The following CDKL2 variants were observed in gnomAD, a reference collection of about 807,000 sequenced individuals.
CDKL2 encodes cyclin dependent kinase like 2.
Under a neutral mutation model 63.9 loss-of-function variants are expected in CDKL2, and 64 were observed. The ratio of observed to expected loss-of-function variants is 1.00; its 90% CI spans 0.82 to 1.23. The LOEUF is 1.23. Among genes scored for constraint, CDKL2 ranks in the 50% most tolerant of loss-of-function variants. The pLI is 0.00. For synonymous variants in CDKL2, 211 were observed against 229.2 expected, an observed-to-expected ratio of 0.92 and a Z score of 0.72; for missense variants, 656 against 668.0, an observed-to-expected ratio of 0.98 and a Z score of 0.20.
Position 75,576,968 on chromosome 4 carries a change from A to G in CDKL2, c.*2234T>C, listed in dbSNP as rs1236078159. 6.6e-6 allele frequency among the ~76,000 whole-genome samples: 1 copy of G among 152,198 alleles called. No individual in the cohort carries two copies. Among genetic ancestry groups the G allele is most frequent in the Non-Finnish European group, 1.5e-5 (1 of 68,018 alleles). On this transcript the variant is annotated 3_prime_UTR_variant, in exon 14 of 14. Coordinates refer to ENST00000307465, the MANE Select transcript of CDKL2 (RefSeq NM_001330724.2). ...CTGCTTATATCACCAGCTATACAAG[A>G]AAATTAGCTTGCCATCCCTACATCC...
intron 1 of CDKL2, among the ~76,000 whole-genome samples, chr4:75,627,293 G>A (rs1730465558): frequency 6.9e-6 from 1 of 144,362 alleles, no homozygotes; most frequent in South Asian, 2.3e-4. Flanking sequence ...GTTTGTTTGG[G>A]ACGGAGTCTT....
rs997249920 is a variant in CDKL2, at chr4:75,604,830, A to G, written c.655+692T>C. 4.1e-4 allele frequency among the ~76,000 whole-genome samples: 63 copies of G among 152,190 alleles called. 1 individual carries two copies. The highest frequency in any genetic ancestry group is 1.5e-3 in the African/African-American group (61 of 41,462). On this transcript the variant is annotated intron_variant, in intron 5 of 13. Coordinates refer to ENST00000307465, the MANE Select transcript of CDKL2 (RefSeq NM_001330724.2). ...CTCTCTTGAGGGGAAAGGGGATGTG[A>G]GCGTGATTAAGAACATGCACCAGGG...
At chr4:75,601,407 T>C (rs1238804220) in intron 6 of CDKL2, among the ~76,000 whole-genome samples, 1 of 152,132 alleles carries the variant, frequency 6.6e-6, no homozygotes, top group Non-Finnish European at 1.5e-5. Context: ...TAGAAGGGAC[T>C]CAATAAGTAG....
intron 10 of CDKL2, among the ~76,000 whole-genome samples, chr4:75,592,883 G>T (rs1419931941): frequency 6.6e-6 from 1 of 152,144 alleles, no homozygotes. Context: ...AGTTGATAAA[G>T]TCAGAAAAAA....
intron 10 of CDKL2, among the ~76,000 whole-genome samples, chr4:75,593,814 G>C (rs1346088525): frequency 6.6e-6 from 1 of 152,058 alleles, no homozygotes; most frequent in African/African-American, 2.4e-5. Context: ...TGAAAAGGCT[G>C]TATTTTTCAG....
intron 10 of CDKL2, 173 bp downstream of exon 10, chr4:75,596,074 T>C (rs747574223): frequency 3.6e-5 from 15 of 420,642 alleles, no homozygotes; most frequent in African/African-American, 2.1e-4. Context: ...ACTTAAACTT[T>C]CAGAATTTCA....
intron 2 of CDKL2, among the ~76,000 whole-genome samples, chr4:75,624,289 C>T (rs1380432091): frequency 6.6e-6 from 1 of 152,082 alleles, no homozygotes; most frequent in Non-Finnish European, 1.5e-5. Context: ...TGGTGGCTCA[C>T]ACCTATAATC....
intron 4 of CDKL2, 59 bp from the exon 5 acceptor site, chr4:75,605,693 G>T: frequency 9.4e-7 from 1 of 1,066,290 alleles, no homozygotes; most frequent in Non-Finnish European, 1.4e-6. Context: ...AAAACCCAAA[G>T]CTTTTTGAGC....
chr4:75,603,744 T>TA (rs371497008), intron 6 of CDKL2, 73 bp downstream of exon 6: 11,000 of 607,534 alleles, frequency 0.018, 2 homozygotes, highest in South Asian at 0.025. Context: ...ACTAGACAAG[T>TA]AAAAAAAAAA....
intron 3 of CDKL2, among the ~76,000 whole-genome samples, chr4:75,610,011 G>C (rs1249517101): frequency 6.6e-6 from 1 of 151,838 alleles, no homozygotes; most frequent in African/African-American, 2.4e-5. Context: ...AGACATCCTG[G>C]CTAATATAGT....
intron 6 of CDKL2, among the ~76,000 whole-genome samples, chr4:75,601,785 G>C (rs1004815427): frequency 4.6e-5 from 7 of 152,096 alleles, no homozygotes; most frequent in African/African-American, 1.7e-4. Flanking sequence ...GCATCTGTTA[G>C]AAGATTATGT....
chr4:75,624,693 C>CA (rs35187061), intron 2 of CDKL2, among the ~76,000 whole-genome samples: 34,052 of 134,214 alleles, frequency 0.25, 4,261 homozygotes, highest in Middle Eastern at 0.4. Flanking sequence ...TACTAAAATA[C>CA]AAAAAAAAAA....
In CDKL2 at chr4:75,592,274, TATC is replaced by T. The variant is rs1578321110; in HGVS notation, c.1417-8_1417-6del. On this transcript the variant is annotated splice_polypyrimidine_tract_variant and splice_region_variant and intron_variant, in intron 10 of 13. Transcript: ENST00000307465. Reference sequence around the variant, plus strand: ...GAGGTTTTTTTCACTAGAGACCTAATATCATCAACATAGTCAACAAAAAAGAAT... The same window carrying T: ...GAGGTTTTTTTCACTAGAGACCTAATATCAACATAGTCAACAAAAAAGAAT... 1 of 1,524,250 alleles carries T rather than the reference TATC, an allele frequency of 6.6e-7. No individual in the cohort carries two copies. Among genetic ancestry groups the T allele is most frequent in the African/African-American group, 1.4e-5 (1 of 72,452 alleles). 94.4% of individuals were successfully genotyped at this position (1,524,250 alleles called of 1,614,324 possible).
intron 2 of CDKL2, among the ~76,000 whole-genome samples, chr4:75,625,126 CAATT>C (rs1324245052): frequency 6.6e-6 from 1 of 151,952 alleles, no homozygotes; most frequent in Non-Finnish European, 1.5e-5. Flanking sequence ...TTGAACAACA[CAATT>C]AACATGAACA....
At chr4:75,618,497 G>GC (rs1000636989) in intron 2 of CDKL2, among the ~76,000 whole-genome samples, 10 of 151,850 alleles carry the variant, frequency 6.6e-5, no homozygotes, top group Admixed American at 5.3e-4. Flanking sequence ...TAGGTGATCC[G>GC]CCCGCCTTGG....
intron 5 of CDKL2, 135 bp downstream of exon 5, chr4:75,605,387 T>A: frequency 1.8e-6 from 1 of 563,056 alleles, no homozygotes; most frequent in South Asian, 2.2e-5. Flanking sequence ...ACACAGAGTT[T>A]TCCTATATGC....
Position 75,595,335 on chromosome 4 carries a change from C to T in CDKL2, c.1416+912G>A, listed in dbSNP as rs559464907. Among the ~76,000 whole-genome samples, 3 of 152,034 alleles carry T rather than the reference C, an allele frequency of 2.0e-5. No individual in the cohort carries two copies. In the East Asian group the frequency reaches 5.8e-4, roughly 29 times the overall value. ...AAGCAACCCACCCATCTTAGCCTCC[C>T]AAGTAGCTAGGACTACAGTCATGTG... On this transcript the variant is annotated intron_variant, in intron 10 of 13. Coordinates refer to ENST00000307465, the MANE Select transcript of CDKL2 (RefSeq NM_001330724.2).
chr4:75,584,713 G>C (rs1273708373), intron 12 of CDKL2, among the ~76,000 whole-genome samples: 1 of 152,094 alleles, frequency 6.6e-6, no homozygotes, highest in Non-Finnish European at 1.5e-5. Flanking sequence ...AGCAATAAAA[G>C]GGTAGGTAGC....
intron 12 of CDKL2, among the ~76,000 whole-genome samples, chr4:75,590,202 T>C (rs1477461594): frequency 6.6e-6 from 1 of 152,100 alleles, no homozygotes; most frequent in East Asian, 1.9e-4. Flanking sequence ...AAGAAATGTA[T>C]TGATACTCTA....
Sources: gnomAD v4.1 joint callset for allele counts (sites outside exome capture counted in the v4.1 genomes callset) on GRCh38, gnomAD v4.1.1 for gene constraint, MANE v1.5 for transcripts, NCBI Gene and HGNC (gene_info 2026-07-23, HGNC 2026-07-21) for gene names.